The following TMCO5A variants were observed in gnomAD, a reference collection of about 807,000 sequenced individuals.
The protein encoded by TMCO5A is transmembrane and coiled-coil domains 5A.
In TMCO5A, 34 loss-of-function variants were observed where a neutral mutation model predicts 42.3. That is an observed-to-expected ratio of 0.80 (90% CI 0.61 to 1.07). The LOEUF is 1.07. Among genes scored for constraint, TMCO5A ranks in the 50% least tolerant of loss-of-function variants. The pLI, the probability that TMCO5A is intolerant of heterozygous loss-of-function variation, is 0.00. For missense variants in TMCO5A, 357 were observed against 327.9 expected (o/e 1.09, Z -0.69); for synonymous variants, 131 against 115.6 (o/e 1.13, Z -0.86).
At chr15:37,950,230 T>C (rs1223480265) in intron 11 of TMCO5A, among the ~76,000 whole-genome samples, 1 of 151,414 alleles carries the variant, frequency 6.6e-6, no homozygotes, top group African/African-American at 2.4e-5. Context: ...AAAGAATCTG[T>C]AGACATATTT....
the TMCO5A span, chr15:38,004,904 C>A: frequency 6.6e-6 from 1 of 152,064 alleles, no homozygotes. Context: ...TTTGTTGTTC[C>A]TCTGGGGGGG....
downstream of TMCO5A, among the ~76,000 whole-genome samples, chr15:37,955,274 AAC>A (rs1491571673): frequency 6.7e-4 from 102 of 151,344 alleles, 1 homozygote; most frequent in Middle Eastern, 6.8e-3. Context: ...AAAAAAAAAA[AAC>A]TTAACAAGAT....
chr15:37,954,465 C>T (rs28856570), downstream of TMCO5A, among the ~76,000 whole-genome samples: 2,068 of 152,154 alleles, frequency 0.014, 49 homozygotes, highest in East Asian at 0.054. Flanking sequence ...AAATGTCCTT[C>T]AAACATGAAG....
chr15:37,943,308 G>C (rs767197038), intron 9 of TMCO5A, 33 bp from the exon 10 acceptor site: 3 of 1,607,112 alleles, frequency 1.9e-6, no homozygotes, highest in Non-Finnish European at 2.6e-6. Context: ...AGTGCACTTT[G>C]TTCAATTTCT....
the TMCO5A span, among the ~76,000 whole-genome samples, chr15:38,006,512 T>C: frequency 1.3e-5 from 2 of 152,176 alleles, no homozygotes; most frequent in South Asian, 4.1e-4. Flanking sequence ...GATTAATGAA[T>C]GCCAAATAGA....
At chr15:37,960,461 T>C in intron 11 of TMCO5A, among the ~76,000 whole-genome samples, 1 of 152,128 alleles carries the variant, frequency 6.6e-6, no homozygotes, top group East Asian at 1.9e-4. Flanking sequence ...GGTTCCATGA[T>C]TTTGCAATTG....
intron 11 of TMCO5A, among the ~76,000 whole-genome samples, chr15:37,963,255 A>G (rs1158340596): frequency 6.6e-6 from 1 of 151,898 alleles, no homozygotes; most frequent in Non-Finnish European, 1.5e-5. Context: ...TTGTGTCATT[A>G]TTGTCCTTCA....
chr15:37,970,799 A>C (rs568909163), downstream of TMCO5A, among the ~76,000 whole-genome samples: 2 of 152,168 alleles, frequency 1.3e-5, no homozygotes, highest in African/African-American at 2.4e-5. Flanking sequence ...TTAAAGCTCC[A>C]AAATGATCTC....
intron 3 of TMCO5A, 152 bp from the exon 4 acceptor site, chr15:37,936,695 G>A: frequency 8.3e-7 from 1 of 1,209,032 alleles, no homozygotes; most frequent in Non-Finnish European, 1.1e-6. Flanking sequence ...AATCAGGCAG[G>A]TCTTCCTGCT....
downstream of TMCO5A, among the ~76,000 whole-genome samples, chr15:37,971,888 C>T (rs946461456): frequency 2.0e-5 from 3 of 152,166 alleles, no homozygotes; most frequent in Non-Finnish European, 2.9e-5. Context: ...TGGTCAATGC[C>T]ATTTAACAAG....
the TMCO5A span, among the ~76,000 whole-genome samples, chr15:37,988,542 G>T: frequency 6.6e-6 from 1 of 151,862 alleles, no homozygotes; most frequent in Non-Finnish European, 1.5e-5. Flanking sequence ...AGTTTGTTGA[G>T]TGTTTTTAAA....
the TMCO5A span, among the ~76,000 whole-genome samples, chr15:38,037,043 A>C: frequency 0.37 from 56,270 of 152,118 alleles, 11,443 homozygotes; most frequent in Middle Eastern, 0.5. Flanking sequence ...AAAGGTAAAT[A>C]GTGCTGAACA....
chr15:38,010,100 G>A, the TMCO5A span, among the ~76,000 whole-genome samples: 1 of 151,740 alleles, frequency 6.6e-6, no homozygotes, highest in Non-Finnish European at 1.5e-5. Context: ...AGGTCCGGGC[G>A]CGGTGGCTCC....
chr15:38,016,979 A>G, the TMCO5A span, among the ~76,000 whole-genome samples: 7 of 152,118 alleles, frequency 4.6e-5, no homozygotes, highest in Non-Finnish European at 8.8e-5. Flanking sequence ...GACAGAGTGC[A>G]AGAAAGAGAG....
the TMCO5A span, among the ~76,000 whole-genome samples, chr15:38,037,490 T>C: frequency 2.6e-5 from 4 of 152,114 alleles, no homozygotes; most frequent in South Asian, 8.3e-4. Context: ...ATTCCCAAGT[T>C]AAGGGGGCCA....
At chr15:37,957,052 A>G (rs1427854065) in intron 11 of TMCO5A, among the ~76,000 whole-genome samples, 1 of 152,306 alleles carries the variant, frequency 6.6e-6, no homozygotes, top group South Asian at 2.1e-4. Flanking sequence ...CCTTCATGCT[A>G]AAAACTCTCA....
chr15:37,940,134 T>G (rs1371453265), intron 6 of TMCO5A, among the ~76,000 whole-genome samples: 2 of 152,120 alleles, frequency 1.3e-5, no homozygotes, highest in African/African-American at 2.4e-5. Flanking sequence ...CAAACAATTC[T>G]TTTTTCCAGA....
rs1441200082 is a variant in TMCO5A, at chr15:37,938,183, C to T, written c.341C>T (p.Thr114Ile). Reference protein sequence around the residue: ...QKLTRKSQKITNCEQSSPDGA... With the variant: ...QKLTRKSQKIINCEQSSPDGA... ...CTTACAAGGAAATCACAAAAGATAA[C>T]CAATTGTGAACAAAGCAGTCCAGAT... Residue 114 changes from threonine to isoleucine, a missense_variant, in exon 6 of 12, where the codon ACC becomes ATC. Coordinates refer to ENST00000319669, the MANE Select transcript of TMCO5A (RefSeq NM_152453.4). The T allele has an allele frequency of 3.8e-6, 6 of 1,581,876 alleles. No individual in the cohort carries two copies. Among genetic ancestry groups the T allele is most frequent in the Non-Finnish European group, 5.2e-6 (6 of 1,162,676 alleles).
downstream of TMCO5A, chr15:37,951,566 T>C (rs1382212929): frequency 4.1e-6 from 1 of 241,512 alleles, no homozygotes; most frequent in African/African-American, 2.3e-5. Flanking sequence ...ATTCCTGAAA[T>C]ACAGAAGATT....
Sources: gnomAD v4.1 joint callset for allele counts (sites outside exome capture counted in the v4.1 genomes callset) on GRCh38, gnomAD v4.1.1 for gene constraint, MANE v1.5 for transcripts, NCBI Gene and HGNC (gene_info 2026-07-23, HGNC 2026-07-21) for gene names.